HPSE2: variants seen among roughly 807,000 people sequenced by gnomAD.
HPSE2 encodes the protein inactive heparanase-2.
Under a neutral mutation model 60.5 loss-of-function variants are expected in HPSE2, and 38 were observed. The ratio of observed to expected loss-of-function variants is 0.63; its 90% CI spans 0.48 to 0.82. The LOEUF is 0.82. Among genes scored for constraint, HPSE2 ranks in the 40% least tolerant of loss-of-function variants. The pLI is 0.00. For synonymous variants in HPSE2, 295 were observed against 293.2 expected (o/e 1.01, Z -0.06); for missense variants, 713 against 740.4 (o/e 0.96, Z 0.43).
chr10:98,628,994 T>G (rs1024385920), intron 7 of HPSE2, among the ~76,000 whole-genome samples: 1 of 152,216 alleles, frequency 6.6e-6, no homozygotes. Flanking sequence ...TTTCCTGTGT[T>G]TCCTTGATAT....
intron 3 of HPSE2, among the ~76,000 whole-genome samples, chr10:99,032,498 T>C (rs138597468): frequency 3.9e-4 from 60 of 152,360 alleles, no homozygotes; most frequent in Non-Finnish European, 5.9e-5. Flanking sequence ...TTATCTATTT[T>C]AATATTTATT....
chr10:98,976,550 G>A (rs1564704965), intron 3 of HPSE2, among the ~76,000 whole-genome samples: 1 of 152,074 alleles, frequency 6.6e-6, no homozygotes, highest in Non-Finnish European at 1.5e-5. Flanking sequence ...TTTAGCATGG[G>A]TGGTTGGGAA....
At chr10:99,136,178 GTC>G (rs1845643137) in intron 3 of HPSE2, among the ~76,000 whole-genome samples, 1 of 152,222 alleles carries the variant, frequency 6.6e-6, no homozygotes, top group Non-Finnish European at 1.5e-5. Context: ...ACCCTCCCAA[GTC>G]TAAACCAGGA....
At chr10:98,721,244 T>A (rs896242318) in intron 5 of HPSE2, among the ~76,000 whole-genome samples, 2 of 152,190 alleles carry the variant, frequency 1.3e-5, no homozygotes, top group Admixed American at 1.3e-4. Flanking sequence ...ATTTGTAGTG[T>A]TTTGCAACTT....
intron 6 of HPSE2, among the ~76,000 whole-genome samples, chr10:98,677,526 G>A (rs1423539836): frequency 1.3e-5 from 2 of 152,210 alleles, no homozygotes; most frequent in Non-Finnish European, 2.9e-5. Context: ...TGAGCCAAAC[G>A]CTTTTCATAT....
chr10:98,760,540 C>T (rs527927131), intron 3 of HPSE2, among the ~76,000 whole-genome samples: 1 of 152,148 alleles, frequency 6.6e-6, no homozygotes, highest in South Asian at 2.1e-4. Context: ...AATTTTTCTG[C>T]ATCTATTGAG....
At chr10:99,309,660 C>T in the HPSE2 span, among the ~76,000 whole-genome samples, 1 of 152,320 alleles carries the variant, frequency 6.6e-6, no homozygotes, top group Non-Finnish European at 1.5e-5. Context: ...TCTACAAAGA[C>T]AGAACTGAGT....
At chr10:98,963,240 T>C (rs1333536521) in intron 3 of HPSE2, among the ~76,000 whole-genome samples, 1 of 152,238 alleles carries the variant, frequency 6.6e-6, no homozygotes, top group Non-Finnish European at 1.5e-5. Flanking sequence ...CTTTGTTTTC[T>C]GATTTTAAAA....
At chr10:98,489,125 C>G (rs887195445) in intron 10 of HPSE2, among the ~76,000 whole-genome samples, 1 of 152,092 alleles carries the variant, frequency 6.6e-6, no homozygotes, top group Admixed American at 6.5e-5. Flanking sequence ...TTCCCTGCCC[C>G]GTATCCCCCC....
intron 2 of HPSE2, among the ~76,000 whole-genome samples, chr10:99,199,587 T>C (rs916877234): frequency 3.3e-5 from 5 of 152,172 alleles, no homozygotes; most frequent in Admixed American, 3.3e-4. Flanking sequence ...TATTTGACCA[T>C]ATATGCATGG....
chr10:98,627,006 G>A (rs1341056294), intron 7 of HPSE2, among the ~76,000 whole-genome samples: 6 of 152,012 alleles, frequency 3.9e-5, no homozygotes, highest in South Asian at 4.1e-4. Context: ...ATCTCCTGAC[G>A]TCGTGATCCG....
intron 9 of HPSE2, among the ~76,000 whole-genome samples, chr10:98,542,383 CAG>C (rs1338755929): frequency 3.1e-4 from 47 of 151,782 alleles, no homozygotes; most frequent in African/African-American, 1.1e-3. Context: ...GGGGAAAAAA[CAG>C]AGCAGAAAAA....
chr10:98,730,150 G>A (rs1949192516), intron 4 of HPSE2, among the ~76,000 whole-genome samples: 1 of 152,024 alleles, frequency 6.6e-6, no homozygotes, highest in African/African-American at 2.4e-5. Context: ...CAATGGATGT[G>A]CTTTAATCAC....
At chr10:99,172,979 T>C (rs2805365) in intron 2 of HPSE2, among the ~76,000 whole-genome samples, 33,585 of 152,098 alleles carry the variant, frequency 0.22, 4,479 homozygotes, top group African/African-American at 0.37. Context: ...TACAAGTCTA[T>C]CTAATGGAGG....
intron 3 of HPSE2, among the ~76,000 whole-genome samples, chr10:98,884,322 A>G (rs2134896029): frequency 6.6e-6 from 1 of 152,276 alleles, no homozygotes; most frequent in Non-Finnish European, 1.5e-5. Flanking sequence ...AGATCTAGCC[A>G]AGGTAATTGT....
rs577273888 is a variant in HPSE2 at position 98,724,855 on chromosome 10, G to C, written c.785-3027C>G. ...CTTATACACCAATAACAGACAAACA[G>C]AGAGCCAAATCATGAGTGAACTCCC... On this transcript the variant is annotated intron_variant, in intron 4 of 11. Coordinates refer to ENST00000370552, the MANE Select transcript of HPSE2 (RefSeq NM_021828.5). Among the ~76,000 whole-genome samples the C allele has an allele frequency of 1.7e-3, 264 of 152,186 alleles. 4 individuals carry two copies. Among genetic ancestry groups the C allele is most frequent in the African/African-American group, 6.0e-3 (251 of 41,514 alleles).
In HPSE2 at chr10:99,145,465, A is replaced by G. The variant is rs544745732; in HGVS notation, c.449-1066T>C. On this transcript the variant is annotated intron_variant, in intron 2 of 11. Coordinates refer to ENST00000370552, the MANE Select transcript of HPSE2 (RefSeq NM_021828.5). ...AGGGAGACTCTGTCTTAAAAAAAAA[A>G]AAAAAGAAGAAGAAGAATGCTTCCC... Among the ~76,000 whole-genome samples, 60 of 152,140 alleles carry G rather than the reference A, an allele frequency of 3.9e-4. 1 individual carries two copies. The South Asian group carries it at 0.011, about 28-fold the overall frequency.
At chr10:98,864,572 T>C (rs971774120) in intron 3 of HPSE2, among the ~76,000 whole-genome samples, 4 of 152,150 alleles carry the variant, frequency 2.6e-5, no homozygotes, top group Admixed American at 2.0e-4. Context: ...CTAAATAAAG[T>C]TATCCAGTTC....
intron 3 of HPSE2, among the ~76,000 whole-genome samples, chr10:99,044,432 A>G (rs1275372632): frequency 6.6e-6 from 1 of 152,238 alleles, no homozygotes; most frequent in Non-Finnish European, 1.5e-5. Flanking sequence ...CAGGCACTAT[A>G]AAGCAATCAC....
Sources: allele counts gnomAD v4.1 joint callset (sites outside exome capture counted in the v4.1 genomes callset), GRCh38; gene constraint gnomAD v4.1.1; transcripts MANE v1.5; gene names NCBI Gene and HGNC (gene_info 2026-07-23, HGNC 2026-07-21).